The following SRPK2 variants were observed in gnomAD, a reference collection of about 807,000 sequenced individuals.
SRPK2 encodes SFRS protein kinase 2.
SRPK2 carries 21 observed loss-of-function variants against 90.8 expected under a neutral mutation model. The observed-to-expected ratio is 0.23, with a 90% CI of 0.16 to 0.33. The LOEUF (loss-of-function observed/expected upper bound fraction) is 0.33. Ranked by LOEUF, SRPK2 falls within the 10% of genes least tolerant of loss-of-function variation. The pLI is 1.00. For synonymous variants in SRPK2, 288 were observed against 311.1 expected, an observed-to-expected ratio of 0.93 and a Z score of 0.78; for missense variants, 620 against 869.0, an observed-to-expected ratio of 0.71 and a Z score of 3.60.
At chr7:105,150,412 G>A (rs1219094596) in intron 7 of SRPK2, among the ~76,000 whole-genome samples, 4 of 152,188 alleles carry the variant, frequency 2.6e-5, no homozygotes, top group Non-Finnish European at 4.4e-5. Flanking sequence ...GCACACGCCT[G>A]TAATCCCAGC....
chr7:105,324,036 G>A (rs900811333), intron 2 of SRPK2, among the ~76,000 whole-genome samples: 4 of 146,790 alleles, frequency 2.7e-5, no homozygotes, highest in Admixed American at 1.4e-4. Flanking sequence ...TCACATTGTC[G>A]CCCGGGCTGG....
At chr7:105,381,480 C>CAAAACAAAACA (rs1478923828) in intron 2 of SRPK2, among the ~76,000 whole-genome samples, 1 of 151,810 alleles carries the variant, frequency 6.6e-6, no homozygotes, top group Non-Finnish European at 1.5e-5. Flanking sequence ...AAAAACAAAA[C>CAAAACAAAACA]AAAACAAAAC....
At chr7:105,190,954 G>T (rs572101948) in intron 3 of SRPK2, among the ~76,000 whole-genome samples, 8 of 152,212 alleles carry the variant, frequency 5.3e-5, no homozygotes, top group Non-Finnish European at 1.2e-4. Context: ...AGCCATAATT[G>T]TATGTATGGG....
intron 2 of SRPK2, among the ~76,000 whole-genome samples, chr7:105,238,803 A>G (rs1246168553): frequency 6.6e-6 from 1 of 152,194 alleles, no homozygotes; most frequent in Admixed American, 6.5e-5. Context: ...GAAATTAGAA[A>G]TGAACACAAT....
At chr7:105,165,795 T>C (rs1478224403) in intron 6 of SRPK2, among the ~76,000 whole-genome samples, 1 of 152,214 alleles carries the variant, frequency 6.6e-6, no homozygotes, top group East Asian at 1.9e-4. Flanking sequence ...CCTTCCATGC[T>C]GTGGAAGCTT....
chr7:105,381,111 G>A (rs887354329), intron 2 of SRPK2, among the ~76,000 whole-genome samples: 4 of 152,066 alleles, frequency 2.6e-5, no homozygotes, highest in African/African-American at 9.7e-5. Context: ...GGGCATGGTG[G>A]CGCATGCCTG....
chr7:105,358,260 C>A (rs560514860), intron 2 of SRPK2, among the ~76,000 whole-genome samples: 29 of 144,912 alleles, frequency 2.0e-4, no homozygotes, highest in Admixed American at 1.7e-3. Context: ...CCACGTACAA[C>A]TTCTGACTCC....
intron 3 of SRPK2, among the ~76,000 whole-genome samples, chr7:105,184,374 G>A (rs1793302730): frequency 6.6e-6 from 1 of 151,990 alleles, no homozygotes; most frequent in Non-Finnish European, 1.5e-5. Flanking sequence ...CCAAACCACT[G>A]TTACAAAATA....
At chr7:105,206,085 T>C (rs1585173490) in intron 2 of SRPK2, 1 of 490,610 alleles carries the variant, frequency 2.0e-6, no homozygotes, top group Non-Finnish European at 4.1e-6. Flanking sequence ...TCGTGTGCAC[T>C]GTGGGATGCT....
intron 2 of SRPK2, among the ~76,000 whole-genome samples, chr7:105,265,416 G>A (rs1054083872): frequency 2.0e-5 from 3 of 152,076 alleles, no homozygotes; most frequent in South Asian, 4.2e-4. Context: ...TTTACATGAA[G>A]GACTTGAGCA....
rs148016020 is a variant in SRPK2, at chr7:105,313,318, G to A, written c.71+75330C>T. ...AAAAATTAGCAGGGTGTGGTGATGC[G>A]CACCTGTAATCCCAGCTACTCGGGC... On this transcript the variant is annotated intron_variant, in intron 2 of 15. Coordinates refer to ENST00000393651, the MANE Select transcript of SRPK2 (RefSeq NM_182692.3). Among the ~76,000 whole-genome samples, 14 of 151,680 alleles carry A rather than the reference G, an allele frequency of 9.2e-5. No individual in the cohort carries two copies. The East Asian group carries it at 2.5e-3, about 27-fold the overall frequency.
Position 105,176,747 on chromosome 7 carries a change from ATATG to A in SRPK2, c.230-7486_230-7483del, listed in dbSNP as rs1283150834. Among the ~76,000 whole-genome samples the A allele has an allele frequency of 2.8e-3, 128 of 46,024 alleles. 2 individuals are homozygous for A. In the East Asian group the frequency reaches 0.035, roughly 13 times the overall value. 30.2% of individuals were successfully genotyped at this position (46,024 alleles called of 152,430 possible). A position where few individuals can be genotyped will look rare whatever the true frequency, so the allele number is the denominator to read the frequency against. On this transcript the variant is annotated intron_variant, in intron 3 of 15. Transcript: ENST00000393651. Reference sequence around the variant, plus strand: ...TGTGTATGTATGTATGTATGTGTGTATATGTGTGTGTGTGTGTGTGTGTGTGTAT... The same window carrying A: ...TGTGTATGTATGTATGTATGTGTGTATGTGTGTGTGTGTGTGTGTGTGTAT...
chr7:105,340,379 A>G (rs905370168), intron 2 of SRPK2, among the ~76,000 whole-genome samples: 1 of 151,408 alleles, frequency 6.6e-6, no homozygotes, highest in African/African-American at 2.4e-5. Flanking sequence ...AGTAAAATAT[A>G]CAACATTTTC....
At chr7:105,384,603 C>T (rs1290874364) in intron 2 of SRPK2, among the ~76,000 whole-genome samples, 1 of 152,200 alleles carries the variant, frequency 6.6e-6, no homozygotes, top group Admixed American at 6.5e-5. Flanking sequence ...ATACCTATTA[C>T]TCCTTTTCCT....
At chr7:105,276,643 T>C (rs1806534383) in intron 2 of SRPK2, among the ~76,000 whole-genome samples, 1 of 151,624 alleles carries the variant, frequency 6.6e-6, no homozygotes, top group Non-Finnish European at 1.5e-5. Context: ...GAGGCTGAGA[T>C]GGCAGGATCA....
intron 2 of SRPK2, among the ~76,000 whole-genome samples, chr7:105,258,967 A>C (rs1803783876): frequency 6.6e-6 from 1 of 152,212 alleles, no homozygotes. Context: ...TTCCCTTTGA[A>C]AACTGGCACA....
intron 3 of SRPK2, among the ~76,000 whole-genome samples, chr7:105,179,960 T>C (rs1792545756): frequency 6.6e-6 from 1 of 151,680 alleles, no homozygotes; most frequent in African/African-American, 2.4e-5. Flanking sequence ...AAACAGTCCA[T>C]GCCCATGGAC....
chr7:105,292,954 C>G (rs746061354), intron 2 of SRPK2, among the ~76,000 whole-genome samples: 1 of 152,170 alleles, frequency 6.6e-6, no homozygotes, highest in Non-Finnish European at 1.5e-5. Context: ...AAGTGATTAG[C>G]TCTACAACTG....
intron 2 of SRPK2, among the ~76,000 whole-genome samples, chr7:105,263,706 C>T (rs985838354): frequency 4.6e-5 from 7 of 151,938 alleles, no homozygotes; most frequent in African/African-American, 1.7e-4. Flanking sequence ...TATTAGTGAC[C>T]CTAGGCTTGG....
Sources: gnomAD v4.1 joint callset for allele counts (sites outside exome capture counted in the v4.1 genomes callset) on GRCh38, gnomAD v4.1.1 for gene constraint, MANE v1.5 for transcripts, NCBI Gene and HGNC (gene_info 2026-07-23, HGNC 2026-07-21) for gene names.